The following TNFRSF19 variants were observed in gnomAD, a reference collection of about 807,000 sequenced individuals.
TNFRSF19 encodes the protein tumor necrosis factor receptor superfamily member 19.
Under a neutral mutation model 46.4 loss-of-function variants are expected in TNFRSF19, and 27 were observed. That is an observed-to-expected ratio of 0.58 (90% CI 0.43 to 0.80). The LOEUF (loss-of-function observed/expected upper bound fraction) is 0.80, where lower values mean the gene tolerates loss of function less well. Among genes scored for constraint, TNFRSF19 ranks in the 30% least tolerant of loss-of-function variants. The pLI is 0.00. For synonymous variants in TNFRSF19, 204 were observed against 205.0 expected, an observed-to-expected ratio of 1.00 and a Z score of 0.04; for missense variants, 511 against 530.8, an observed-to-expected ratio of 0.96 and a Z score of 0.37.
chr13:23,669,919 T>C (rs1951729511), intron 9 of TNFRSF19, among the ~76,000 whole-genome samples: 1 of 151,928 alleles, frequency 6.6e-6, no homozygotes, highest in Non-Finnish European at 1.5e-5. Flanking sequence ...AAGGGCAGAG[T>C]CACAGCAACA....
intron 4 of TNFRSF19, among the ~76,000 whole-genome samples, chr13:23,626,197 G>C (rs1881996755): frequency 6.6e-6 from 1 of 150,850 alleles, no homozygotes; most frequent in Non-Finnish European, 1.5e-5. Context: ...CTGTGTGTGT[G>C]TGTGTGTGTG....
chr13:23,661,420 A>G (rs1884361033), intron 7 of TNFRSF19, among the ~76,000 whole-genome samples: 1 of 152,072 alleles, frequency 6.6e-6, no homozygotes, highest in Non-Finnish European at 1.5e-5. Context: ...TATATGCCAC[A>G]TTTTCTTTAT....
rs752232352 is a variant in TNFRSF19 at position 23,615,923 on chromosome 13, G to A, written c.237G>A (p.Arg79=). The part of the protein sequence containing the change: ...DAQCVTCRLH[R]FKEDWGFQKC... ...AGTGTGTGACGTGCCGGCTGCACAG[G>A]TTCAAGGAGGACTGGGGCTTCCAGA... The change falls in exon 4 of 10, where the codon AGG becomes AGA. Residue 79 remains arginine (R), a synonymous_variant. Transcript: ENST00000248484. 2 of 1,614,050 alleles carry A rather than the reference G, an allele frequency of 1.2e-6. No individual in the cohort carries two copies. Among genetic ancestry groups the A allele is most frequent in the East Asian group, 4.5e-5 (2 of 44,878 alleles).
chr13:23,665,805 A>G (rs561398581), intron 7 of TNFRSF19, among the ~76,000 whole-genome samples: 1 of 152,288 alleles, frequency 6.6e-6, no homozygotes, highest in South Asian at 2.1e-4. Context: ...TAATCTACAG[A>G]GCGTATTCGT....
intron 5 of TNFRSF19, among the ~76,000 whole-genome samples, chr13:23,639,714 C>T (rs374283950): frequency 6.6e-6 from 1 of 152,186 alleles, no homozygotes; most frequent in South Asian, 2.1e-4. Flanking sequence ...GTCTGCGTGC[C>T]CTGACCCGGC....
chr13:23,584,937 T>C (rs963393993), intron 1 of TNFRSF19, among the ~76,000 whole-genome samples: 2 of 152,170 alleles, frequency 1.3e-5, no homozygotes, highest in African/African-American at 4.8e-5. Context: ...CCGGGGGTTA[T>C]TGTTTTGTTT....
intron 5 of TNFRSF19, among the ~76,000 whole-genome samples, chr13:23,658,574 A>G (rs1467979212): frequency 6.6e-6 from 1 of 152,226 alleles, no homozygotes; most frequent in East Asian, 1.9e-4. Flanking sequence ...GGTCTACTGT[A>G]AGGTTCTGGA....
intron 1 of TNFRSF19, among the ~76,000 whole-genome samples, chr13:23,578,695 T>C (rs184843517): frequency 3.9e-5 from 6 of 152,230 alleles, no homozygotes. Context: ...AGCATTCTAC[T>C]GGTGGAAAAG....
chr13:23,670,575 A>T (rs1199540160), intron 9 of TNFRSF19, among the ~76,000 whole-genome samples: 1 of 152,196 alleles, frequency 6.6e-6, no homozygotes, highest in Non-Finnish European at 1.5e-5. Context: ...ATAATTTGTA[A>T]AATTGTTATG....
chr13:23,604,674 A>C lies in TNFRSF19; in HGVS notation c.181-11193A>C, dbSNP rs1880396101. ...GAGACAAACCAATCAGTGGAACAGA[A>C]TAGAGAGCCCAGGAATAGACCCAGC... is the stretch of plus-strand genomic sequence containing the variant. On this transcript the variant is annotated intron_variant, in intron 3 of 9. Coordinates refer to ENST00000248484, the MANE Select transcript of TNFRSF19 (RefSeq NM_148957.4). 2.0e-5 allele frequency among the ~76,000 whole-genome samples: 3 copies of C among 152,168 alleles called. No individual in the cohort carries two copies. The South Asian group carries it at 6.2e-4, about 31-fold the overall frequency.
At chr13:23,601,330 G>T (rs7325001) in intron 3 of TNFRSF19, among the ~76,000 whole-genome samples, 39,438 of 152,074 alleles carry the variant, frequency 0.26, 5,648 homozygotes, top group African/African-American at 0.38. Flanking sequence ...GCAGAAGAGA[G>T]TGCAGTGAAA....
At chr13:23,631,988 G>A (rs983971718) in intron 5 of TNFRSF19, among the ~76,000 whole-genome samples, 3 of 152,230 alleles carry the variant, frequency 2.0e-5, no homozygotes, top group Admixed American at 1.3e-4. Context: ...TGCTGGGAAT[G>A]TCATGTGATT....
At chr13:23,620,983 AC>A (rs1184450213) in intron 4 of TNFRSF19, among the ~76,000 whole-genome samples, 1 of 152,092 alleles carries the variant, frequency 6.6e-6, no homozygotes, top group Non-Finnish European at 1.5e-5. Context: ...TCCCAGAATC[AC>A]CCAGCTTGTA....
At chr13:23,605,428 C>G (rs749428859) in intron 3 of TNFRSF19, among the ~76,000 whole-genome samples, 64 of 152,152 alleles carry the variant, frequency 4.2e-4, no homozygotes, top group Non-Finnish European at 4.6e-4. Context: ...ACTAAGCATA[C>G]TCTTATTATT....
At chr13:23,657,699 TTC>T (rs773850033) in intron 5 of TNFRSF19, among the ~76,000 whole-genome samples, 6,701 of 152,226 alleles carry the variant, frequency 0.044, 498 homozygotes, top group African/African-American at 0.15. Flanking sequence ...CTTCTTCTTC[TTC>T]TTTTTTTCTT....
At chr13:23,583,613 T>C (rs1878619183) in intron 1 of TNFRSF19, among the ~76,000 whole-genome samples, 2 of 152,338 alleles carry the variant, frequency 1.3e-5, no homozygotes, top group African/African-American at 4.8e-5. Context: ...GTCTGAAGAC[T>C]GAGTGTTATT....
chr13:23,632,547 A>G (rs997109679), intron 5 of TNFRSF19, among the ~76,000 whole-genome samples: 2 of 151,964 alleles, frequency 1.3e-5, no homozygotes, highest in African/African-American at 2.4e-5. Context: ...CCTTCCTTCC[A>G]TTGTCTAGAG....
At chr13:23,589,138 T>C (rs1264982566) in intron 1 of TNFRSF19, among the ~76,000 whole-genome samples, 1 of 152,220 alleles carries the variant, frequency 6.6e-6, no homozygotes, top group East Asian at 1.9e-4. Context: ...TTTGGAAACT[T>C]CAACTTTAAA....
chr13:23,575,942 A>G lies in TNFRSF19; in HGVS notation c.-35+5094A>G, dbSNP rs190840429. ...TGTCAGCTCAGATATTGCTAAAACT[A>G]TCTTCAGAAAACTAACTTTTAACAT... is the stretch of plus-strand genomic sequence containing the variant. On this transcript the variant is annotated intron_variant, in intron 1 of 9. Coordinates refer to ENST00000248484, the MANE Select transcript of TNFRSF19 (RefSeq NM_148957.4). 7.9e-5 allele frequency among the ~76,000 whole-genome samples: 12 copies of G among 152,346 alleles called. No homozygotes were observed. The East Asian group carries it at 2.3e-3, about 29-fold the overall frequency.
Sources: gnomAD v4.1 joint callset for allele counts (sites outside exome capture counted in the v4.1 genomes callset) on GRCh38, gnomAD v4.1.1 for gene constraint, MANE v1.5 for transcripts, NCBI Gene and HGNC (gene_info 2026-07-23, HGNC 2026-07-21) for gene names.